POU6F2: variants seen among roughly 807,000 people sequenced by gnomAD.
The protein encoded by POU6F2 is POU class 6 homeobox 2, also known as POU domain, class 6, transcription factor 2.
POU6F2 carries 31 observed loss-of-function variants against 71.3 expected under a neutral mutation model. That is an observed-to-expected ratio of 0.43 (90% CI 0.33 to 0.59). The LOEUF (loss-of-function observed/expected upper bound fraction) is 0.59, where lower values mean the gene tolerates loss of function less well. Among genes scored for constraint, POU6F2 ranks in the 20% least tolerant of loss-of-function variants. The pLI is 0.04. For synonymous variants in POU6F2, 347 were observed against 355.7 expected (o/e 0.98, Z 0.27); for missense variants, 783 against 856.8 (o/e 0.91, Z 1.07).
At chr7:38,988,687 G>A (rs1003265627) in intron 1 of POU6F2, among the ~76,000 whole-genome samples, 4 of 152,110 alleles carry the variant, frequency 2.6e-5, no homozygotes, top group Non-Finnish European at 5.9e-5. Flanking sequence ...AGGTCTGTAA[G>A]GTAGGTACTG....
intron 2 of POU6F2, among the ~76,000 whole-genome samples, chr7:39,098,466 AG>A (rs61310439): frequency 4.7e-5 from 7 of 149,998 alleles, no homozygotes; most frequent in African/African-American, 1.2e-4. Context: ...TTTGCAAGAG[AG>A]GGGGGGTCTC....
At chr7:39,223,349 C>T (rs1293438354) in intron 4 of POU6F2, among the ~76,000 whole-genome samples, 1 of 152,104 alleles carries the variant, frequency 6.6e-6, no homozygotes, top group Non-Finnish European at 1.5e-5. Context: ...TGGATTTACA[C>T]TTTAGGTATA....
chr7:39,414,683 G>A (rs964739259), intron 6 of POU6F2, among the ~76,000 whole-genome samples: 3 of 150,498 alleles, frequency 2.0e-5, no homozygotes, highest in Admixed American at 1.3e-4. Context: ...CCCCGCCCAA[G>A]GTCGCCCCGC....
chr7:39,292,869 G>T (rs951078291), intron 4 of POU6F2, among the ~76,000 whole-genome samples: 1 of 152,142 alleles, frequency 6.6e-6, no homozygotes, highest in African/African-American at 2.4e-5. Context: ...TTGGGGGGCT[G>T]CAGGGATGGC....
At chr7:39,123,778 G>T (rs868642895) in intron 2 of POU6F2, among the ~76,000 whole-genome samples, 24 of 145,046 alleles carry the variant, frequency 1.7e-4, no homozygotes, top group African/African-American at 3.8e-4. Context: ...CTGATCTTTG[G>T]TTTTTTTTTT....
chr7:39,431,984 G>A (rs1788111995), intron 6 of POU6F2, among the ~76,000 whole-genome samples: 1 of 152,214 alleles, frequency 6.6e-6, no homozygotes, highest in East Asian at 1.9e-4. Context: ...CATCCACACG[G>A]CCAGTGCCAC....
chr7:39,175,736 T>G (rs890425981), intron 2 of POU6F2, among the ~76,000 whole-genome samples: 1 of 152,194 alleles, frequency 6.6e-6, no homozygotes, highest in Non-Finnish European at 1.5e-5. Flanking sequence ...TGTGGCCTCA[T>G]GTATGGCCAC....
intron 7 of POU6F2, among the ~76,000 whole-genome samples, chr7:39,444,020 T>C (rs1788468784): frequency 6.6e-6 from 1 of 152,058 alleles, no homozygotes; most frequent in African/African-American, 2.4e-5. Context: ...CCTGGAATGA[T>C]TTGTTTTAAT....
chr7:39,176,660 A>T (rs1793337107), intron 2 of POU6F2, among the ~76,000 whole-genome samples: 1 of 152,200 alleles, frequency 6.6e-6, no homozygotes, highest in Non-Finnish European at 1.5e-5. Context: ...TTATTCACAA[A>T]TGAGTATAGA....
At chr7:39,168,075 A>T (rs535778573) in intron 2 of POU6F2, among the ~76,000 whole-genome samples, 7 of 152,312 alleles carry the variant, frequency 4.6e-5, no homozygotes, top group African/African-American at 1.7e-4. Context: ...ATTGAGAAGG[A>T]TACCACAGAA....
intron 1 of POU6F2, among the ~76,000 whole-genome samples, chr7:38,982,552 G>A (rs756380754): frequency 4.6e-5 from 7 of 151,872 alleles, no homozygotes; most frequent in Non-Finnish European, 8.8e-5. Context: ...TCACCAGATG[G>A]ACTTAATTTT....
intron 2 of POU6F2, among the ~76,000 whole-genome samples, chr7:39,109,918 T>C (rs929357972): frequency 2.6e-5 from 4 of 152,222 alleles, no homozygotes; most frequent in Non-Finnish European, 5.9e-5. Flanking sequence ...GAGAGATAAT[T>C]GCTATATTTT....
intron 4 of POU6F2, among the ~76,000 whole-genome samples, chr7:39,315,183 C>G (rs4486096): frequency 0.83 from 126,841 of 152,186 alleles, 52,903 homozygotes; most frequent in East Asian, 0.91. Context: ...TTTGAGAAAG[C>G]CTTGCTACTC....
intron 4 of POU6F2, among the ~76,000 whole-genome samples, chr7:39,282,295 A>T (rs966705517): frequency 3.9e-5 from 6 of 152,030 alleles, no homozygotes; most frequent in Admixed American, 2.0e-4. Context: ...TTAGGTTGGT[A>T]TAGTCCTATC....
At chr7:39,393,040 T>C (rs1205165553) in intron 5 of POU6F2, among the ~76,000 whole-genome samples, 1 of 152,222 alleles carries the variant, frequency 6.6e-6, no homozygotes, top group African/African-American at 2.4e-5. Context: ...TAAACCTATG[T>C]TCGGTTTTAT....
chr7:39,230,168 TC>T (rs1452476004), intron 4 of POU6F2, among the ~76,000 whole-genome samples: 1 of 149,286 alleles, frequency 6.7e-6, no homozygotes, highest in Non-Finnish European at 1.5e-5. Flanking sequence ...TTAAAGTGGC[TC>T]CCACAAGATC....
intron 4 of POU6F2, among the ~76,000 whole-genome samples, chr7:39,270,067 C>T (rs967894130): frequency 6.6e-6 from 1 of 152,178 alleles, no homozygotes; most frequent in African/African-American, 2.4e-5. Flanking sequence ...AGGGTGTTTC[C>T]CTGTAGATCT....
At chr7:39,293,442 A>G (rs577694106) in intron 4 of POU6F2, among the ~76,000 whole-genome samples, 2 of 152,350 alleles carry the variant, frequency 1.3e-5, no homozygotes, top group East Asian at 1.9e-4. Flanking sequence ...TTCATATAAT[A>G]AGGCCGCTTG....
At chr7:39,006,341 G>A (rs1250535059) in intron 1 of POU6F2, among the ~76,000 whole-genome samples, 1 of 152,090 alleles carries the variant, frequency 6.6e-6, no homozygotes, top group African/African-American at 2.4e-5. Flanking sequence ...GCACACACCT[G>A]TAATCCCAGC....
Sources: allele counts gnomAD v4.1 joint callset (sites outside exome capture counted in the v4.1 genomes callset), GRCh38; gene constraint gnomAD v4.1.1; transcripts MANE v1.5; gene names NCBI Gene and HGNC (gene_info 2026-07-23, HGNC 2026-07-21).